The following SLC22A23 variants were observed in gnomAD, a reference collection of about 807,000 sequenced individuals.
SLC22A23 encodes ion transporter protein.
A neutral mutation model predicts 61.0 loss-of-function variants in SLC22A23; 26 were observed. The ratio of observed to expected loss-of-function variants is 0.43; its 90% CI spans 0.31 to 0.59. The LOEUF (loss-of-function observed/expected upper bound fraction) is 0.59. Ranked by LOEUF, SLC22A23 falls within the 20% of genes least tolerant of loss-of-function variation. The probability of loss-of-function intolerance (pLI) is 0.11; values close to 1 mark genes in which losing one functional copy is unlikely to be tolerated. For missense variants in SLC22A23, 796 were observed against 934.7 expected, an observed-to-expected ratio of 0.85 and a Z score of 1.94; for synonymous variants, 430 against 413.9, an observed-to-expected ratio of 1.04 and a Z score of -0.47.
rs533338043 is a variant in SLC22A23, at chr6:3,314,021, C to A, written c.1082+9813G>T. Among the ~76,000 whole-genome samples, 164 of 152,272 alleles carry A rather than the reference C, an allele frequency of 1.1e-3. 2 individuals are homozygous for A. Among genetic ancestry groups the A allele is most frequent in the African/African-American group, 1.0e-3 (42 of 41,530 alleles). The stretch of plus-strand genomic sequence containing the variant: ...TCCAGCCTGCGCAATAAGAGCAGAA[C>A]TCTGTCTCAAAAAAAATTCTTAAAT... On this transcript the variant is annotated intron_variant, in intron 4 of 9. Coordinates refer to ENST00000406686, the MANE Select transcript of SLC22A23 (RefSeq NM_015482.2).
intron 2 of SLC22A23, among the ~76,000 whole-genome samples, chr6:3,411,702 A>G (rs1181005902): frequency 1.3e-5 from 2 of 152,248 alleles, no homozygotes; most frequent in Admixed American, 6.5e-5. Flanking sequence ...CAGGGAAAGG[A>G]ACAACAGGAT....
chr6:3,331,061 A>G (rs894974193), intron 3 of SLC22A23, among the ~76,000 whole-genome samples: 1 of 152,218 alleles, frequency 6.6e-6, no homozygotes, highest in Non-Finnish European at 1.5e-5. Flanking sequence ...TAATCTGCAC[A>G]ATGACTGTAT....
intron 2 of SLC22A23, among the ~76,000 whole-genome samples, chr6:3,411,047 G>A (rs1462108097): frequency 6.6e-6 from 1 of 152,158 alleles, no homozygotes; most frequent in African/African-American, 2.4e-5. Flanking sequence ...TCAATTCGTG[G>A]GTTCTGGAGC....
chr6:3,362,845 G>A (rs1324468751), intron 3 of SLC22A23, among the ~76,000 whole-genome samples: 1 of 97,996 alleles, frequency 1.0e-5, no homozygotes, highest in Non-Finnish European at 2.3e-5. Flanking sequence ...GATTTTGAGG[G>A]CAAGGGGAAT....
At chr6:3,364,033 G>C (rs1433544056) in intron 3 of SLC22A23, among the ~76,000 whole-genome samples, 1 of 152,232 alleles carries the variant, frequency 6.6e-6, no homozygotes, top group Non-Finnish European at 1.5e-5. Flanking sequence ...AGAAGGCTCT[G>C]GCATGGTCTG....
intron 3 of SLC22A23, among the ~76,000 whole-genome samples, chr6:3,377,015 A>G (rs1280327235): frequency 2.0e-5 from 3 of 152,024 alleles, no homozygotes; most frequent in South Asian, 2.1e-4. Flanking sequence ...CTGATCTAGT[A>G]GCAATATTGT....
At chr6:3,347,630 T>C (rs1286092305) in intron 3 of SLC22A23, among the ~76,000 whole-genome samples, 5 of 152,076 alleles carry the variant, frequency 3.3e-5, no homozygotes, top group Admixed American at 3.3e-4. Context: ...GTTGGCTACC[T>C]CCTGGTTCTT....
chr6:3,272,774 G>A lies in SLC22A23; in HGVS notation c.*281C>T, dbSNP rs1311680645. 4 of 293,072 alleles carry A rather than the reference G, an allele frequency of 1.4e-5. No individual in the cohort carries two copies. Among genetic ancestry groups the A allele is most frequent in the Non-Finnish European group, 1.3e-5 (2 of 156,146 alleles). The allele number at this position is 293,072 out of a possible 1,614,324, so 18.2% of individuals were successfully genotyped here. ...GGAGGTGATTCCATTTGTGATCAGT[G>A]AGAGGGAGAGGGAATAAAGTGCTTC... is the stretch of plus-strand genomic sequence containing the variant. On this transcript the variant is annotated 3_prime_UTR_variant, in exon 10 of 10. Coordinates refer to ENST00000406686, the MANE Select transcript of SLC22A23 (RefSeq NM_015482.2).
In SLC22A23 at chr6:3,387,233, C is replaced by A. The variant is rs762299119; in HGVS notation, c.913+22955G>T. 1.3e-5 allele frequency among the ~76,000 whole-genome samples: 2 copies of A among 152,228 alleles called. No individual in the cohort carries two copies. Among genetic ancestry groups the A allele is most frequent in the Non-Finnish European group, 2.9e-5 (2 of 68,034 alleles). On this transcript the variant is annotated intron_variant, in intron 3 of 9. Transcript: ENST00000406686. This position sits in a 1 kb window ranked among gnomAD's most constrained non-coding sequence, Gnocchi z 5.0. ...AGAAGCCTGGCAGACCCCATCTCAA[C>A]TGAGGAAGGTTAGCGTGACCAGTGA...
intron 2 of SLC22A23, among the ~76,000 whole-genome samples, chr6:3,411,572 C>T (rs1769250086): frequency 6.6e-6 from 1 of 151,724 alleles, no homozygotes; most frequent in Admixed American, 6.6e-5. Flanking sequence ...AAACTCATTC[C>T]ATTGTGCACT....
intron 4 of SLC22A23, chr6:3,313,149 G>A (rs577805733): frequency 1.3e-4 from 20 of 152,328 alleles, no homozygotes; most frequent in Non-Finnish European, 2.4e-4. Context: ...TCTCTGTGGA[G>A]TGTTGTCTGA....
chr6:3,345,357 T>C (rs1033691365), intron 3 of SLC22A23, among the ~76,000 whole-genome samples: 1 of 131,684 alleles, frequency 7.6e-6, no homozygotes, highest in South Asian at 2.4e-4. Context: ...AGTTTATATC[T>C]CTTTTCTTTT....
At chr6:3,432,238 C>T (rs1770914609) in intron 1 of SLC22A23, 1 of 985,474 alleles carries the variant, frequency 1.0e-6, no homozygotes, top group Non-Finnish European at 1.2e-6. Flanking sequence ...TCACTGAGAG[C>T]CTGCGGCAGG....
chr6:3,338,616 T>A (rs1463942684), intron 3 of SLC22A23, among the ~76,000 whole-genome samples: 1 of 152,240 alleles, frequency 6.6e-6, no homozygotes, highest in Non-Finnish European at 1.5e-5. Flanking sequence ...GGCCTTAATC[T>A]GTCTTTAGTC....
intron 3 of SLC22A23, among the ~76,000 whole-genome samples, chr6:3,408,362 AG>A (rs1423841405): frequency 1.3e-5 from 2 of 152,256 alleles, no homozygotes; most frequent in Non-Finnish European, 2.9e-5. Flanking sequence ...CTGGCTTCAG[AG>A]GTCAATGGCA....
At chr6:3,287,610 ACACAGCCTGGAGGAGTCGGG>A (rs1479279857) in intron 6 of SLC22A23, among the ~76,000 whole-genome samples, 2 of 152,134 alleles carry the variant, frequency 1.3e-5, no homozygotes, top group African/African-American at 4.8e-5. Context: ...AACTCCACCC[ACACAGCCTGGAGGAGTCGGG>A]CAGAAGCCAG....
chr6:3,350,488 A>ATTC (rs1764702424), intron 3 of SLC22A23, among the ~76,000 whole-genome samples: 1 of 152,246 alleles, frequency 6.6e-6, no homozygotes, highest in Non-Finnish European at 1.5e-5. Flanking sequence ...GAATGCGGTC[A>ATTC]CACTCATTCA....
chr6:3,337,446 CTTTT>C (rs112272605), intron 3 of SLC22A23, among the ~76,000 whole-genome samples: 1 of 143,624 alleles, frequency 7.0e-6, no homozygotes, highest in Non-Finnish European at 1.5e-5. Context: ...TTACAATTCC[CTTTT>C]TTTTTTTTTT....
chr6:3,389,065 C>G (rs183776446), intron 3 of SLC22A23, among the ~76,000 whole-genome samples: 1 of 151,842 alleles, frequency 6.6e-6, no homozygotes, highest in Non-Finnish European at 1.5e-5. Flanking sequence ...GTCAGGAGCT[C>G]GAGACCAGCC....
Sources: gnomAD v4.1 joint callset for allele counts (sites outside exome capture counted in the v4.1 genomes callset) on GRCh38, gnomAD v4.1.1 for gene constraint, Gnocchi (gnomAD v3.1) non-coding constraint, MANE v1.5 for transcripts, NCBI Gene and HGNC (gene_info 2026-07-23, HGNC 2026-07-21) for gene names.